Variants in SLC24A4 observed in about 807,000 individuals in gnomAD.
SLC24A4 encodes the protein sodium/potassium/calcium exchanger 4.
A neutral mutation model predicts 79.0 loss-of-function variants in SLC24A4; 53 were observed. The observed-to-expected ratio is 0.67, with a 90% CI of 0.54 to 0.84. The LOEUF (loss-of-function observed/expected upper bound fraction) is 0.84. Ranked by LOEUF, SLC24A4 falls within the 40% of genes least tolerant of loss-of-function variation. The pLI is 0.00. For synonymous variants in SLC24A4, 323 were observed against 323.8 expected, an observed-to-expected ratio of 1.00 and a Z score of 0.03; for missense variants, 731 against 822.0, an observed-to-expected ratio of 0.89 and a Z score of 1.35.
chr14:92,344,812 G>C (rs943076115), intron 2 of SLC24A4, among the ~76,000 whole-genome samples: 6 of 152,176 alleles, frequency 3.9e-5, no homozygotes, highest in Non-Finnish European at 5.9e-5. Flanking sequence ...GCTTTGTTCT[G>C]TTGGGCCCTC....
intron 2 of SLC24A4, among the ~76,000 whole-genome samples, chr14:92,410,142 C>T (rs1024763832): frequency 1.3e-5 from 2 of 152,094 alleles, no homozygotes; most frequent in Non-Finnish European, 2.9e-5. Flanking sequence ...CGCAAGTTTA[C>T]CTGTGTAACA....
At chr14:92,340,366 C>T (rs1886060043) in intron 2 of SLC24A4, among the ~76,000 whole-genome samples, 2 of 152,256 alleles carry the variant, frequency 1.3e-5, no homozygotes, top group African/African-American at 4.8e-5. Flanking sequence ...GAAGCCTTCA[C>T]AGAGCATGCA....
At chr14:92,393,902 T>C (rs922859700) in intron 2 of SLC24A4, among the ~76,000 whole-genome samples, 2 of 151,928 alleles carry the variant, frequency 1.3e-5, no homozygotes, top group Non-Finnish European at 2.9e-5. Context: ...TCCCAGCTAC[T>C]TGGGAGGCTG....
Position 92,490,963 on chromosome 14 carries a change from C to T in SLC24A4, c.1538-702C>T, listed in dbSNP as rs118007901. 2.0e-3 allele frequency among the ~76,000 whole-genome samples: 306 copies of T among 152,298 alleles called. No homozygotes were observed. Among genetic ancestry groups the T allele is most frequent in the Middle Eastern group, 6.8e-3 (2 of 294 alleles). ...CTTTGCCCAGGTTCTCCCTGCATGTCCAGTTTTCTCCTTTTTATAAGGATT... is the reference window on the plus strand; with the variant it reads ...CTTTGCCCAGGTTCTCCCTGCATGTTCAGTTTTCTCCTTTTTATAAGGATT... On this transcript the variant is annotated intron_variant, in intron 14 of 16. Coordinates refer to ENST00000532405, the MANE Select transcript of SLC24A4 (RefSeq NM_153646.4). This position sits in a 1 kb window ranked among gnomAD's most constrained non-coding sequence, Gnocchi z 4.3.
intron 2 of SLC24A4, among the ~76,000 whole-genome samples, chr14:92,429,987 G>C (rs1265678923): frequency 1.3e-5 from 2 of 152,174 alleles, no homozygotes; most frequent in East Asian, 1.9e-4. Context: ...GCTTCTCACT[G>C]TCTCTTGGTC....
rs576006685 is a variant in SLC24A4 at position 92,376,903 on chromosome 14, A to G, written c.241+50925A>G. ...CAAGGAGTCTTTTAAACATCCCACA[A>G]TGCACAGGCCACACCCCAGGACCAA... is the stretch of plus-strand genomic sequence containing the variant. On this transcript the variant is annotated intron_variant, in intron 2 of 16. Transcript: ENST00000532405. Among the ~76,000 whole-genome samples, 14 of 152,278 alleles carry G rather than the reference A, an allele frequency of 9.2e-5. No homozygotes were observed. In the South Asian group the frequency reaches 2.7e-3, roughly 29 times the overall value.
At chr14:92,444,344 C>A (rs891187772) in intron 7 of SLC24A4, among the ~76,000 whole-genome samples, 1 of 152,082 alleles carries the variant, frequency 6.6e-6, no homozygotes, top group African/African-American at 2.4e-5. Context: ...TCTCTGAGAC[C>A]GTCTAGTACA....
chr14:92,433,862 C>T (rs760546041), intron 2 of SLC24A4, 50 bp from the exon 3 acceptor site: 14 of 1,500,522 alleles, frequency 9.3e-6, no homozygotes, highest in Admixed American at 3.3e-5. Context: ...TGAGGTTTGT[C>T]GGGAGGCCCA....
chr14:92,457,059 A>C (rs1396712190), intron 12 of SLC24A4, among the ~76,000 whole-genome samples: 1 of 152,230 alleles, frequency 6.6e-6, no homozygotes, highest in Non-Finnish European at 1.5e-5. Flanking sequence ...AATGATCCTT[A>C]GACAGTCATA....
chr14:92,429,789 A>G (rs1891764068), intron 2 of SLC24A4, among the ~76,000 whole-genome samples: 1 of 152,160 alleles, frequency 6.6e-6, no homozygotes, highest in African/African-American at 2.4e-5. Flanking sequence ...ACTGTAGGTG[A>G]CTTTAGTCTC....
chr14:92,477,608 C>T (rs10149282), intron 12 of SLC24A4, among the ~76,000 whole-genome samples: 138,247 of 152,018 alleles, frequency 0.91, 63,837 homozygotes, highest in Non-Finnish European at 0.99. Flanking sequence ...TAAAAGGCCA[C>T]CATGCCCAGC....
chr14:92,447,190 T>G lies in SLC24A4; in HGVS notation c.684-181T>G, dbSNP rs1274831877. ...TTTCTCGCTTGAACATCAAGAGGGCTGCTGGTGGCAAGACAGCCACAGGCT... is the reference window on the plus strand; with the variant it reads ...TTTCTCGCTTGAACATCAAGAGGGCGGCTGGTGGCAAGACAGCCACAGGCT... On this transcript the variant is annotated intron_variant, in intron 8 of 16. Transcript: ENST00000532405. Among the ~76,000 whole-genome samples, 5 of 152,206 alleles carry G rather than the reference T, an allele frequency of 3.3e-5. No individual in the cohort carries two copies. The East Asian group carries it at 9.6e-4, about 29-fold the overall frequency.
chr14:92,385,307 C>T (rs1197095706), intron 2 of SLC24A4, among the ~76,000 whole-genome samples: 1 of 152,014 alleles, frequency 6.6e-6, no homozygotes, highest in South Asian at 2.1e-4. Context: ...GAGATCGATA[C>T]CATCCTGGCC....
At chr14:92,448,341 T>TACACACACACACACACACACACAC (rs1415258640) in intron 9 of SLC24A4, among the ~76,000 whole-genome samples, 3 of 18,670 alleles carry the variant, frequency 1.6e-4, no homozygotes, top group South Asian at 1.5e-3. Context: ...TTTTTCCCAC[T>TACACACACACACACACACACACAC]ACATACACAC....
intron 2 of SLC24A4, among the ~76,000 whole-genome samples, chr14:92,408,597 G>A (rs931182995): frequency 6.6e-6 from 1 of 152,118 alleles, no homozygotes; most frequent in Non-Finnish European, 1.5e-5. Context: ...ATAGCCTCAG[G>A]CAAGTCACTT....
intron 12 of SLC24A4, among the ~76,000 whole-genome samples, chr14:92,474,114 T>C (rs1316979849): frequency 1.3e-5 from 2 of 152,246 alleles, no homozygotes; most frequent in African/African-American, 4.8e-5. Context: ...TCTGGTCTCT[T>C]GGCATAAGTT....
intron 2 of SLC24A4, among the ~76,000 whole-genome samples, chr14:92,421,374 A>G (rs1030632334): frequency 3.9e-5 from 6 of 152,122 alleles, no homozygotes; most frequent in African/African-American, 1.2e-4. Flanking sequence ...CCCTTTGCCA[A>G]TTAGTCCCTT....
intron 16 of SLC24A4, chr14:92,492,790 G>T (rs1895759726): frequency 2.2e-6 from 1 of 451,146 alleles, no homozygotes; most frequent in African/African-American, 2.0e-5. Context: ...AACCCAGGTT[G>T]GTCTGTCCTT....
Position 92,353,813 on chromosome 14 carries a change from T to C in SLC24A4, c.241+27835T>C, listed in dbSNP as rs1887016188. Among the ~76,000 whole-genome samples the C allele has an allele frequency of 6.6e-6, 1 of 152,126 alleles. No individual in the cohort carries two copies. The highest frequency in any genetic ancestry group is 6.5e-5 in the Admixed American group (1 of 15,274). On this transcript the variant is annotated intron_variant, in intron 2 of 16. Coordinates refer to ENST00000532405, the MANE Select transcript of SLC24A4 (RefSeq NM_153646.4). The surrounding 1 kb of genome is among the most constrained non-coding windows in gnomAD (Gnocchi z 4.1). ...GCATGGCCAGGGGAGGCATCTTGAG[T>C]GTTCAGTTCCCTGAAGCAGCTGTAA...
Sources: allele counts gnomAD v4.1 joint callset (sites outside exome capture counted in the v4.1 genomes callset), GRCh38; gene constraint gnomAD v4.1.1; non-coding constraint Gnocchi (gnomAD v3.1); transcripts MANE v1.5; gene names NCBI Gene and HGNC (gene_info 2026-07-23, HGNC 2026-07-21).